The following RMP64 variants were observed in gnomAD, a reference collection of about 807,000 sequenced individuals.
RMP64 encodes the protein nucleolus and neural progenitor protein.
chr3:113,016,681 C>T, the RMP64 span, among the ~76,000 whole-genome samples: 1 of 152,250 alleles, frequency 6.6e-6, no homozygotes, highest in East Asian at 1.9e-4. Context: ...GAAAACTAAC[C>T]AGAAAGCATG....
chr3:113,019,244 G>C, the RMP64 span: 1 of 435,256 alleles, frequency 2.3e-6, no homozygotes, highest in South Asian at 2.9e-5. Flanking sequence ...ACTGTTCCCC[G>C]GCACCAGCTG....
chr3:113,019,539 C>T, the RMP64 span: 1 of 1,610,298 alleles, frequency 6.2e-7, no homozygotes, highest in Non-Finnish European at 8.5e-7. Flanking sequence ...GCGCCTCACT[C>T]ACCAAGGGCC....
chr3:113,008,715 C>T, the RMP64 span: 1 of 270,942 alleles, frequency 3.7e-6, no homozygotes, highest in East Asian at 6.8e-5. Context: ...ACTAAGCTTT[C>T]CTTATGTCTT....
At chr3:113,016,265 A>G in the RMP64 span, among the ~76,000 whole-genome samples, 2 of 152,194 alleles carry the variant, frequency 1.3e-5, no homozygotes, top group African/African-American at 4.8e-5. Flanking sequence ...CCTGGTTTTA[A>G]TATTTAGAAT....
At chr3:113,015,045 C>T in the RMP64 span, 2 of 152,180 alleles carry the variant, frequency 1.3e-5, no homozygotes, top group African/African-American at 4.8e-5. Flanking sequence ...AATCCATAAC[C>T]TTGGTTCAAT....
At chr3:113,005,305 T>C in the RMP64 span, 1 of 525,932 alleles carries the variant, frequency 1.9e-6, no homozygotes, top group East Asian at 3.2e-5. Context: ...CTGTGGCAGA[T>C]TTTTCATATT....
At chr3:113,014,047 G>T in the RMP64 span, 416 of 1,575,508 alleles carry the variant, frequency 2.6e-4, no homozygotes, top group Non-Finnish European at 3.4e-4. Flanking sequence ...AAGAAGAAGA[G>T]CAGTTCAAAT....
At chr3:113,010,659 T>C in the RMP64 span, 1 of 1,613,642 alleles carries the variant, frequency 6.2e-7, no homozygotes, top group Non-Finnish European at 8.5e-7. Flanking sequence ...AGCTTTGTGT[T>C]TCAGCTGGTT....
chr3:113,013,169 T>C, the RMP64 span: 29 of 1,258,660 alleles, frequency 2.3e-5, no homozygotes, highest in African/African-American at 1.1e-4. Flanking sequence ...TTCCTGTAGG[T>C]TGTAACTCCT....
the RMP64 span, chr3:113,010,715 G>C: frequency 6.2e-7 from 1 of 1,609,244 alleles, no homozygotes. Flanking sequence ...CTGTGGAGGT[G>C]GAAAAATTGC....
At chr3:113,013,333 T>G in the RMP64 span, 4 of 1,613,916 alleles carry the variant, frequency 2.5e-6, no homozygotes, top group African/African-American at 4.0e-5. Context: ...CCCAAAACCT[T>G]CATCAACACC....
At chr3:113,005,418 G>A in the RMP64 span, 1 of 660,490 alleles carries the variant, frequency 1.5e-6, no homozygotes, top group Non-Finnish European at 2.7e-6. Context: ...CCTGTGCAAT[G>A]CTGCACTAAA....
the RMP64 span, chr3:113,013,362 C>T: frequency 6.2e-7 from 1 of 1,613,134 alleles, no homozygotes; most frequent in East Asian, 2.2e-5. Flanking sequence ...CACTGGCTGA[C>T]TGGGGACAAC....
At chr3:113,007,904 A>G in the RMP64 span, among the ~76,000 whole-genome samples, 16 of 152,128 alleles carry the variant, frequency 1.1e-4, no homozygotes, top group Admixed American at 1.0e-3. Context: ...CACACTAGAC[A>G]CTCTTAATGG....
At chr3:113,019,496 C>G in the RMP64 span, 1 of 1,489,506 alleles carries the variant, frequency 6.7e-7, no homozygotes, top group Non-Finnish European at 9.3e-7. Context: ...GGCCTGGCGG[C>G]CTCCCCCGGA....
the RMP64 span, chr3:113,017,468 G>A: frequency 3.7e-6 from 6 of 1,613,812 alleles, no homozygotes; most frequent in Admixed American, 8.3e-5. Context: ...GCCAAATGGG[G>A]TTTGTGGCGG....
the RMP64 span, chr3:113,013,918 C>T: frequency 2.1e-6 from 3 of 1,433,056 alleles, no homozygotes; most frequent in Non-Finnish European, 2.0e-6. Context: ...GTTCCCAGCC[C>T]ACCACATCAC....
the RMP64 span, among the ~76,000 whole-genome samples, chr3:113,010,332 A>C: frequency 1.8e-4 from 27 of 152,174 alleles, no homozygotes; most frequent in Non-Finnish European, 3.1e-4. Flanking sequence ...ATTCAAACCA[A>C]CTGTCTGACT....
the RMP64 span, chr3:113,008,465 C>G: frequency 3.2e-6 from 5 of 1,563,282 alleles, no homozygotes; most frequent in Non-Finnish European, 2.6e-6. Context: ...ATATATTGGA[C>G]ATGTTACTGA....
Sources: gnomAD v4.1 joint callset for allele counts (sites outside exome capture counted in the v4.1 genomes callset) on GRCh38, gnomAD v4.1.1 for gene constraint, MANE v1.5 for transcripts, NCBI Gene and HGNC (gene_info 2026-07-23, HGNC 2026-07-21) for gene names.